Variants in ZFHX3 observed in about 807,000 individuals in gnomAD.
ZFHX3 encodes zinc finger homeobox protein 3.
Under a neutral mutation model 279.1 loss-of-function variants are expected in ZFHX3, and 42 were observed. That is an observed-to-expected ratio of 0.15 (90% confidence interval 0.12 to 0.19). The LOEUF (loss-of-function observed/expected upper bound fraction) is 0.19, where lower values mean the gene tolerates loss of function less well. Among genes scored for constraint, ZFHX3 ranks in the 10% least tolerant of loss-of-function variants. ZFHX3 has a pLI of 1.00. For missense variants in ZFHX3, 4,981 were observed against 4,754.0 expected, an observed-to-expected ratio of 1.05 and a Z score of -1.40; for synonymous variants, 2,293 against 1,957.8, an observed-to-expected ratio of 1.17 and a Z score of -4.52.
At chr16:73,710,685 G>A (rs1253220766) in intron 1 of ZFHX3, among the ~76,000 whole-genome samples, 2 of 152,132 alleles carry the variant, frequency 1.3e-5, no homozygotes, top group South Asian at 2.1e-4. Context: ...CCTGCCTCCC[G>A]TTGTCTCTGG....
intron 1 of ZFHX3, among the ~76,000 whole-genome samples, chr16:73,781,179 A>G (rs1959456778): frequency 6.6e-6 from 1 of 152,228 alleles, no homozygotes; most frequent in Non-Finnish European, 1.5e-5. Flanking sequence ...CCTGAGCAAG[A>G]GAGCAAGCAA....
chr16:73,588,246 T>C (rs767345906), intron 2 of ZFHX3, among the ~76,000 whole-genome samples: 1 of 152,082 alleles, frequency 6.6e-6, no homozygotes, highest in Non-Finnish European at 1.5e-5. Context: ...AGTTAAAGAA[T>C]GCAGATAAAG....
chr16:73,135,842 C>T (rs991147191), intron 6 of ZFHX3, among the ~76,000 whole-genome samples: 1 of 151,564 alleles, frequency 6.6e-6, no homozygotes, highest in African/African-American at 2.4e-5. Flanking sequence ...ATACTAGGCT[C>T]ACTTCACTTA....
At chr16:73,468,489 ACTTTGGG>A (rs2018610075) in intron 2 of ZFHX3, among the ~76,000 whole-genome samples, 1 of 152,182 alleles carries the variant, frequency 6.6e-6, no homozygotes, top group African/African-American at 2.4e-5. Context: ...TAGTCCCAGC[ACTTTGGG>A]AGGCCCAGAC....
rs560309630 is a variant in ZFHX3 at position 73,094,254 on chromosome 16, C to A, written c.-896-656G>T. Among the ~76,000 whole-genome samples the A allele has an allele frequency of 1.2e-4, 18 of 152,278 alleles. 1 individual carries two copies. Among genetic ancestry groups the A allele is most frequent in the Admixed American group, 1.2e-3 (18 of 15,300 alleles). The stretch of plus-strand genomic sequence containing the variant: ...GAAGGTTCTTTCCTGGAAGTTCACC[C>A]AATTAATTCCTACTCACACATTTTA... On this transcript the variant is annotated intron_variant, in intron 7 of 17. Coordinates refer to the ZFHX3 transcript ENST00000641206.
chr16:72,974,196 A>C (rs1268809910), intron 1 of ZFHX3, among the ~76,000 whole-genome samples: 1 of 152,176 alleles, frequency 6.6e-6, no homozygotes, highest in African/African-American at 2.4e-5. Flanking sequence ...CATCGAATCT[A>C]CCTGAGAACA....
At chr16:73,823,812 C>A (rs893855341) in intron 1 of ZFHX3, among the ~76,000 whole-genome samples, 2 of 152,182 alleles carry the variant, frequency 1.3e-5, no homozygotes, top group African/African-American at 4.8e-5. Flanking sequence ...TATGCCAGCG[C>A]CTCCTGCCTC....
At chr16:73,709,761 C>T (rs1193231180) in intron 1 of ZFHX3, among the ~76,000 whole-genome samples, 2 of 151,842 alleles carry the variant, frequency 1.3e-5, no homozygotes, top group Non-Finnish European at 1.5e-5. Context: ...CCAAAAGAGT[C>T]GATTTTAAAT....
chr16:72,856,010 C>T (rs753048073), intron 4 of ZFHX3, among the ~76,000 whole-genome samples: 64 of 152,320 alleles, frequency 4.2e-4, no homozygotes, highest in South Asian at 2.1e-3. Context: ...TAACAAAAGG[C>T]GCTTGTGTTT....
intron 7 of ZFHX3, among the ~76,000 whole-genome samples, chr16:73,097,671 C>T (rs9940161): frequency 0.64 from 97,567 of 151,604 alleles, 32,137 homozygotes; most frequent in African/African-American, 0.79. Context: ...TCCAACATTT[C>T]TCGTCACTCT....
intron 5 of ZFHX3, among the ~76,000 whole-genome samples, chr16:73,160,436 C>T (rs190510916): frequency 6.6e-6 from 1 of 152,346 alleles, no homozygotes; most frequent in East Asian, 1.9e-4. Context: ...GTTTCTCATT[C>T]TAGCTATCCT....
At chr16:73,479,387 C>T (rs918623588) in intron 2 of ZFHX3, among the ~76,000 whole-genome samples, 2 of 152,168 alleles carry the variant, frequency 1.3e-5, no homozygotes, top group African/African-American at 4.8e-5. Context: ...ATACAAGTCA[C>T]GAAACTCATT....
chr16:73,578,930 A>C (rs1267433824), intron 2 of ZFHX3, among the ~76,000 whole-genome samples: 1 of 152,146 alleles, frequency 6.6e-6, no homozygotes, highest in East Asian at 1.9e-4. Flanking sequence ...GGGCATTCCA[A>C]ATTTAAGCTG....
chr16:73,026,894 G>C (rs1296879141), intron 1 of ZFHX3, among the ~76,000 whole-genome samples: 7 of 152,180 alleles, frequency 4.6e-5, no homozygotes, highest in African/African-American at 1.7e-4. Flanking sequence ...CAGCTAGTTA[G>C]CAGTAGATTT....
intron 1 of ZFHX3, among the ~76,000 whole-genome samples, chr16:72,974,227 T>A (rs1037388508): frequency 6.6e-6 from 1 of 152,226 alleles, no homozygotes; most frequent in Non-Finnish European, 1.5e-5. Context: ...ATGGTACAGC[T>A]GCTTTTCTCT....
chr16:73,434,794 C>T (rs533861773), intron 3 of ZFHX3, among the ~76,000 whole-genome samples: 1 of 152,076 alleles, frequency 6.6e-6, no homozygotes, highest in South Asian at 2.1e-4. Context: ...TTCAACAGTC[C>T]TCTAAGTGGG....
Position 73,129,379 on chromosome 16 carries a change from GAC to G in ZFHX3, c.-897+1587_-897+1588del, listed in dbSNP as rs59666622. 6.2e-3 allele frequency among the ~76,000 whole-genome samples: 849 copies of G among 137,868 alleles called. 4 individuals are homozygous for G. Among genetic ancestry groups the G allele is most frequent in the South Asian group, 0.051 (208 of 4,092 alleles). The allele number at this position is 137,868 out of a possible 152,430, so 90.4% of individuals were successfully genotyped here. On this transcript the variant is annotated intron_variant, in intron 7 of 17. Transcript: ENST00000641206. ...CTCCAGCCTGGGTGGCAGAGACTCT[GAC>G]ACACACACACACACACACACACACA...
chr16:73,335,939 A>T (rs2015903963), intron 3 of ZFHX3, among the ~76,000 whole-genome samples: 1 of 152,202 alleles, frequency 6.6e-6, no homozygotes, highest in Non-Finnish European at 1.5e-5. Flanking sequence ...TCTAGGCCAC[A>T]TTTCTACAAA....
chr16:73,038,264 T>C (rs1170882975), intron 1 of ZFHX3, among the ~76,000 whole-genome samples: 2 of 152,202 alleles, frequency 1.3e-5, no homozygotes, highest in African/African-American at 4.8e-5. Flanking sequence ...CAAAATCCTG[T>C]CTAGAGGGCT....
Sources: gnomAD v4.1 joint callset for allele counts (sites outside exome capture counted in the v4.1 genomes callset) on GRCh38, gnomAD v4.1.1 for gene constraint, MANE v1.5 for transcripts, NCBI Gene and HGNC (gene_info 2026-07-23, HGNC 2026-07-21) for gene names.